The following DNASE1L3 variants were observed in gnomAD, a reference collection of about 807,000 sequenced individuals.
DNASE1L3 encodes the protein deoxyribonuclease gamma.
DNASE1L3 carries 27 observed loss-of-function variants against 30.9 expected under a neutral mutation model. That is an observed-to-expected ratio of 0.87 (90% CI 0.64 to 1.20). The LOEUF is 1.20. Among genes scored for constraint, DNASE1L3 ranks in the 50% most tolerant of loss-of-function variants. The pLI, the probability that DNASE1L3 is intolerant of heterozygous loss-of-function variation, is 0.00. For missense variants in DNASE1L3, 364 were observed against 378.2 expected, an observed-to-expected ratio of 0.96 and a Z score of 0.31; for synonymous variants, 135 against 138.0, an observed-to-expected ratio of 0.98 and a Z score of 0.15.
chr3:58,203,438 C>A (rs1190115841), intron 4 of DNASE1L3, among the ~76,000 whole-genome samples: 1 of 152,170 alleles, frequency 6.6e-6, no homozygotes, highest in Non-Finnish European at 1.5e-5. Flanking sequence ...TCAACAGAGC[C>A]TGGTACATAG....
intron 6 of DNASE1L3, among the ~76,000 whole-genome samples, chr3:58,195,539 A>C (rs1215931795): frequency 1.4e-5 from 2 of 145,160 alleles, no homozygotes; most frequent in African/African-American, 5.2e-5. Context: ...AGGCCAAAGC[A>C]GGCGGATCAC....
chr3:58,207,653 C>A, intron 2 of DNASE1L3: 1 of 152,046 alleles, frequency 6.6e-6, no homozygotes, highest in East Asian at 1.9e-4. Context: ...CTAACTTATT[C>A]TGTAGCAAGC....
intron 6 of DNASE1L3, among the ~76,000 whole-genome samples, chr3:58,195,311 G>C (rs187289298): frequency 6.6e-6 from 1 of 152,120 alleles, no homozygotes; most frequent in Admixed American, 6.5e-5. Flanking sequence ...ATTGAGACAG[G>C]TCTCACTATG....
intron 4 of DNASE1L3, among the ~76,000 whole-genome samples, chr3:58,201,541 A>G (rs546651055): frequency 6.6e-6 from 1 of 152,352 alleles, no homozygotes; most frequent in African/African-American, 2.4e-5. Context: ...GGCACATAGT[A>G]CATTCTATGT....
At chr3:58,209,298 A>C (rs369410411) in intron 1 of DNASE1L3, among the ~76,000 whole-genome samples, 12 of 152,290 alleles carry the variant, frequency 7.9e-5, no homozygotes, top group African/African-American at 2.6e-4. Context: ...GGAGATGCAG[A>C]GTTCAAGCCC....
At chr3:58,196,508 G>A (rs999521697) in intron 6 of DNASE1L3, among the ~76,000 whole-genome samples, 47 of 138,932 alleles carry the variant, frequency 3.4e-4, no homozygotes, top group African/African-American at 7.0e-4. Context: ...AGCCGAGATC[G>A]CACCACTGCA....
intron 1 of DNASE1L3, among the ~76,000 whole-genome samples, chr3:58,208,567 C>T (rs1559759676): frequency 8.5e-5 from 13 of 152,114 alleles, no homozygotes. Flanking sequence ...GAATTTGAAC[C>T]TATGTAATTC....
chr3:58,200,976 G>A lies in DNASE1L3; in HGVS notation c.546+21C>T, dbSNP rs377550639. On this transcript the variant is annotated intron_variant, in intron 5 of 7. Transcript: ENST00000394549. This position sits in a 1 kb window ranked among gnomAD's most constrained non-coding sequence, Gnocchi z 4.2. ...GCCTGCCCCTGCTAGATGGGAATTC[G>A]TCTGACACAGCAGTCCTCACCTCCG... 214 of 1,599,000 alleles carry A rather than the reference G, an allele frequency of 1.3e-4. 2 individuals carry two copies. The Middle Eastern group carries it at 2.6e-3, about 19-fold the overall frequency.
chr3:58,193,221 C>A, intron 7 of DNASE1L3, 122 bp downstream of exon 7: 1 of 1,424,266 alleles, frequency 7.0e-7, no homozygotes, highest in Admixed American at 2.0e-5. Context: ...GGACCATAGG[C>A]ATGCATCACC....
chr3:58,207,064 C>A (rs971751867), intron 2 of DNASE1L3, among the ~76,000 whole-genome samples: 4 of 152,178 alleles, frequency 2.6e-5, no homozygotes, highest in Middle Eastern at 6.8e-3. Flanking sequence ...TTCAAAAGTC[C>A]CTATTAAGTG....
Position 58,200,996 on chromosome 3 carries a change from C to T in DNASE1L3, c.546+1G>A. 1 of 1,611,070 alleles carries T rather than the reference C, an allele frequency of 6.2e-7. No homozygotes were observed. The highest frequency in any genetic ancestry group is 8.5e-7 in the Non-Finnish European group (1 of 1,178,194). On this transcript the variant is annotated splice_donor_variant, in intron 5 of 7. Coordinates refer to ENST00000394549, the MANE Select transcript of DNASE1L3 (RefSeq NM_004944.4). LOFTEE classifies it high-confidence loss of function. The surrounding 1 kb of genome is among the most constrained non-coding windows in gnomAD (Gnocchi z 4.2). ...AATTCGTCTGACACAGCAGTCCTCACCTCCGCCTTCCAGCGGTGTTTCACG... is the reference window on the plus strand; with the variant it reads ...AATTCGTCTGACACAGCAGTCCTCATCTCCGCCTTCCAGCGGTGTTTCACG...
At chr3:58,198,622 C>A (rs1000910015) in intron 5 of DNASE1L3, among the ~76,000 whole-genome samples, 1 of 152,110 alleles carries the variant, frequency 6.6e-6, no homozygotes, top group East Asian at 1.9e-4. Flanking sequence ...TGTTCTTAGT[C>A]GCCACATTTC....
Position 58,192,818 on chromosome 3 carries a change from G to C in DNASE1L3, c.802-15C>G, listed in dbSNP as rs1433369342. On this transcript the variant is annotated splice_polypyrimidine_tract_variant and intron_variant, in intron 7 of 7. Coordinates refer to ENST00000394549, the MANE Select transcript of DNASE1L3 (RefSeq NM_004944.4). The surrounding 1 kb of genome is among the most constrained non-coding windows in gnomAD (Gnocchi z 4.8). ...ACATCCAGGGCCTATAAGGAGAAAG[G>C]GGAGGTAGACATGGAAATTAGGAGA... The C allele has an allele frequency of 1.9e-6, 3 of 1,606,684 alleles. No individual in the cohort carries two copies. In the African/African-American group the frequency reaches 4.0e-5, roughly 22 times the overall value.
chr3:58,193,075 CTTT>C (rs11289117), intron 7 of DNASE1L3: 15,669 of 1,244,596 alleles, frequency 0.013, no homozygotes, highest in East Asian at 0.043. Context: ...ATCAACCCAT[CTTT>C]TTTTTTTTTT....
chr3:58,206,593 C>G (rs2097404075), intron 2 of DNASE1L3, among the ~76,000 whole-genome samples: 1 of 152,154 alleles, frequency 6.6e-6, no homozygotes, highest in Non-Finnish European at 1.5e-5. Context: ...ACAGGCTTGG[C>G]TCTGCTTGGA....
chr3:58,193,379 AAAAACACTGTTTG>A lies in DNASE1L3; in HGVS notation c.752_764del (p.Ser251LeufsTer9). The A allele has an allele frequency of 6.2e-7, 1 of 1,613,984 alleles. No homozygotes were observed. The highest frequency in any genetic ancestry group is 1.1e-5 in the South Asian group (1 of 91,062). ...TCAGCTTGTAAGCTTTCTGGAAGTC[AAAAACACTGTTTG>A]ACTTGGGAACAACAGAACTGACGAT... On this transcript the variant is annotated frameshift_variant, in exon 7 of 8. Transcript: ENST00000394549. LOFTEE classifies it high-confidence loss of function.
chr3:58,203,155 C>T (rs779145364), intron 4 of DNASE1L3, among the ~76,000 whole-genome samples: 1 of 152,190 alleles, frequency 6.6e-6, no homozygotes, highest in Non-Finnish European at 1.5e-5. Context: ...GTGGGGCGGT[C>T]ACTGCTCAAG....
rs193145819 is a variant in DNASE1L3, at chr3:58,197,464, T to G, written c.704+357A>C. ...TTTTCTTATTTTTATTTTTATTTTT[T>G]ATTTTTGAGACAAAGTCTCACTCTG... is the stretch of plus-strand genomic sequence containing the variant. On this transcript the variant is annotated intron_variant, in intron 6 of 7. Transcript: ENST00000394549. This position sits in a 1 kb window ranked among gnomAD's most constrained non-coding sequence, Gnocchi z 5.3. Among the ~76,000 whole-genome samples the G allele has an allele frequency of 6.6e-6, 1 of 152,156 alleles. No individual in the cohort carries two copies. Among genetic ancestry groups the G allele is most frequent in the African/African-American group, 2.4e-5 (1 of 41,428 alleles).
At chr3:58,204,525 A>G (rs998726263) in intron 4 of DNASE1L3, among the ~76,000 whole-genome samples, 4 of 152,218 alleles carry the variant, frequency 2.6e-5, no homozygotes, top group Middle Eastern at 3.2e-3. Context: ...TAAACTCTCC[A>G]AAGAGAGTGG....
Sources: gnomAD v4.1 joint callset for allele counts (sites outside exome capture counted in the v4.1 genomes callset) on GRCh38, gnomAD v4.1.1 for gene constraint, Gnocchi (gnomAD v3.1) non-coding constraint, MANE v1.5 for transcripts, NCBI Gene and HGNC (gene_info 2026-07-23, HGNC 2026-07-21) for gene names.